ADAMTS20: variants seen among roughly 807,000 people sequenced by gnomAD.
ADAMTS20 encodes the protein A disintegrin and metalloproteinase with thrombospondin motifs 20.
In ADAMTS20, 225 loss-of-function variants were observed where a neutral mutation model predicts 260.1. The observed-to-expected ratio is 0.87, with a 90% CI of 0.78 to 0.97. The LOEUF is 0.97. ADAMTS20 is among the 50% of genes least tolerant of loss of function. The pLI, the probability that ADAMTS20 is intolerant of heterozygous loss-of-function variation, is 0.00. For missense variants in ADAMTS20, 2,400 were observed against 2,337.7 expected, an observed-to-expected ratio of 1.03 and a Z score of -0.55; for synonymous variants, 802 against 769.5, an observed-to-expected ratio of 1.04 and a Z score of -0.70.
intron 3 of ADAMTS20, among the ~76,000 whole-genome samples, chr12:43,524,923 G>A (rs796595009): frequency 6.6e-6 from 1 of 152,144 alleles, no homozygotes; most frequent in South Asian, 2.1e-4. Context: ...GTTTATGAGT[G>A]GGAAGAGAAA....
intron 28 of ADAMTS20, among the ~76,000 whole-genome samples, chr12:43,399,924 C>T (rs547591164): frequency 3.9e-5 from 6 of 152,156 alleles, no homozygotes; most frequent in African/African-American, 1.4e-4. Flanking sequence ...AGCACTTGGG[C>T]TCTGGCATTG....
At chr12:43,369,749 T>C (rs73100545) in intron 36 of ADAMTS20, among the ~76,000 whole-genome samples, 6,862 of 152,168 alleles carry the variant, frequency 0.045, 171 homozygotes, top group East Asian at 0.1. Flanking sequence ...TAAACATAAA[T>C]GACAAAACAA....
chr12:43,387,507 G>A (rs943793645), intron 29 of ADAMTS20, among the ~76,000 whole-genome samples: 36 of 152,218 alleles, frequency 2.4e-4, no homozygotes, highest in African/African-American at 7.2e-4. Context: ...CCTTAGCAGA[G>A]CTCAAATGCT....
chr12:43,470,280 A>G (rs183186567), intron 7 of ADAMTS20, among the ~76,000 whole-genome samples: 3 of 152,204 alleles, frequency 2.0e-5, no homozygotes, highest in African/African-American at 7.2e-5. Context: ...CACAATTCCA[A>G]TATTTTCATT....
In ADAMTS20 at chr12:43,463,010, A is replaced by G; in HGVS notation, c.1510-11T>C. 6.3e-7 allele frequency: 1 copy of G among 1,584,938 alleles called. No individual in the cohort carries two copies. The highest frequency in any genetic ancestry group is 8.6e-7 in the Non-Finnish European group (1 of 1,163,394). On this transcript the variant is annotated splice_polypyrimidine_tract_variant and intron_variant, in intron 10 of 38. Transcript: ENST00000389420. ...ATGCATGCATATATTCTCCTGAGTA[A>G]CAAAAGGCAGGCAAGCCAGTGTAAA...
In ADAMTS20 at chr12:43,440,052, C is replaced by T. The variant is rs1941632959; in HGVS notation, c.2308G>A (p.Gly770Arg). Residue 770 changes from glycine to arginine, a missense_variant, in exon 17 of 39, where the codon GGG (glycine) becomes AGG (arginine). Coordinates refer to ENST00000389420, the MANE Select transcript of ADAMTS20 (RefSeq NM_025003.5). ...AAATTTCCATTGAAAAGAAAATTCC[C>T]TTCAGCGTCAGATAATGCTGTAAAA... ...DSYLALSDAE[G>R]NFLFNGNFLL... 1 of 1,556,540 alleles carries T rather than the reference C, an allele frequency of 6.4e-7. No individual in the cohort carries two copies. Among genetic ancestry groups the T allele is most frequent in the Non-Finnish European group, 8.7e-7 (1 of 1,149,870 alleles).
At chr12:43,451,848 A>T (rs966518340) in intron 14 of ADAMTS20, among the ~76,000 whole-genome samples, 3 of 152,150 alleles carry the variant, frequency 2.0e-5, no homozygotes, top group Non-Finnish European at 4.4e-5. Context: ...TTGAATGTAC[A>T]TAAAAAATAA....
chr12:43,460,988 A>ATATTTTTTT, intron 11 of ADAMTS20, among the ~76,000 whole-genome samples: 3 of 26,394 alleles, frequency 1.1e-4, no homozygotes, highest in African/African-American at 2.6e-4. Context: ...ATATATATAT[A>ATATTTTTTT]TTTTTTTTTT....
At chr12:43,354,397 T>A in intron 38 of ADAMTS20, 99 bp from the exon 39 acceptor site, 1 of 814,180 alleles carries the variant, frequency 1.2e-6, no homozygotes, top group Non-Finnish European at 2.0e-6. Context: ...ATGGCTAAAA[T>A]CATTAGCAGA....
At position 43,492,726 on chromosome 12, in the gene ADAMTS20, C is replaced by A. The variant is rs1942622382; in HGVS notation, c.952-97G>T. On this transcript the variant is annotated intron_variant, in intron 5 of 38. Transcript: ENST00000389420. ...TCTGCACAATTTATCAAATAGCATTCTCACAGGTGAATGAAGGAGTGACAG... is the reference window on the plus strand; with the variant it reads ...TCTGCACAATTTATCAAATAGCATTATCACAGGTGAATGAAGGAGTGACAG... 9 of 1,390,550 alleles carry A rather than the reference C, an allele frequency of 6.5e-6. No homozygotes were observed. The South Asian group carries it at 9.4e-5, about 15-fold the overall frequency. The allele number at this position is 1,390,550 out of a possible 1,614,324, so 86.1% of individuals were successfully genotyped here. A position where few individuals can be genotyped will look rare whatever the true frequency, so the allele number is the denominator to read the frequency against.
intron 11 of ADAMTS20, among the ~76,000 whole-genome samples, chr12:43,460,327 T>C (rs1942037113): frequency 2.0e-5 from 3 of 152,128 alleles, no homozygotes; most frequent in African/African-American, 4.8e-5. Context: ...CTAATAAGCA[T>C]ATGAAAAAAT....
chr12:43,433,690 A>G, intron 19 of ADAMTS20: 1 of 351,950 alleles, frequency 2.8e-6, no homozygotes. Context: ...GCACACACAC[A>G]CATGCACACA....
At chr12:43,435,658 C>CAAAAA (rs1941538760) in intron 18 of ADAMTS20, among the ~76,000 whole-genome samples, 3 of 105,434 alleles carry the variant, frequency 2.8e-5, no homozygotes, top group Non-Finnish European at 4.0e-5. Flanking sequence ...AAAAAAAAAA[C>CAAAAA]AAAAAAATAA....
At chr12:43,515,125 A>G (rs1213871368) in intron 3 of ADAMTS20, among the ~76,000 whole-genome samples, 1 of 152,198 alleles carries the variant, frequency 6.6e-6, no homozygotes, top group Non-Finnish European at 1.5e-5. Flanking sequence ...ATCAACCACA[A>G]TCTCTAACTA....
In ADAMTS20 at chr12:43,468,599, C is replaced by G; in HGVS notation, c.1223+1G>C. 2 of 1,578,470 alleles carry G rather than the reference C, an allele frequency of 1.3e-6. No homozygotes were observed. Among genetic ancestry groups the G allele is most frequent in the Non-Finnish European group, 8.7e-7 (1 of 1,153,624 alleles). On this transcript the variant is annotated splice_donor_variant, in intron 8 of 38. Transcript: ENST00000389420. LOFTEE classifies it high-confidence loss of function. ...TTAAGGAGGTGACAGAAGGTACTTA[C>G]GTGTGCCCAAGCTCATGGGCTATAG...
At chr12:43,463,855 C>T (rs917498525) in intron 10 of ADAMTS20, among the ~76,000 whole-genome samples, 7 of 151,984 alleles carry the variant, frequency 4.6e-5, no homozygotes, top group African/African-American at 9.7e-5. Flanking sequence ...GTCTACATTC[C>T]GGAATTGGTC....
intron 9 of ADAMTS20, among the ~76,000 whole-genome samples, chr12:43,465,007 A>T (rs1942129932): frequency 6.6e-6 from 1 of 152,152 alleles, no homozygotes; most frequent in Admixed American, 6.5e-5. Flanking sequence ...AGCAATAAAC[A>T]CAAATTCATC....
intron 4 of ADAMTS20, 101 bp from the exon 5 acceptor site, chr12:43,493,354 C>A (rs1231678175): frequency 1.1e-5 from 9 of 791,706 alleles, no homozygotes; most frequent in Non-Finnish European, 1.8e-5. Flanking sequence ...AATTGCACTG[C>A]ACGTAGGAAT....
rs746042370 is a variant in ADAMTS20, at chr12:43,425,584, G to A, written c.4214C>T (p.Pro1405Leu). 6 of 1,610,032 alleles carry A rather than the reference G, an allele frequency of 3.7e-6. No individual in the cohort carries two copies. The highest frequency in any genetic ancestry group is 5.1e-6 in the Non-Finnish European group (6 of 1,177,676). ...ATGCATATGACACTGTATTACGCTA[G>A]GTGGCTTGTTTACAATTTCACAGTT... ...DHNCEIVNKP[P>L]SVIQCHMHAC... is the part of the protein sequence containing the mutation. The change falls in exon 28 of 39, where the codon CCT becomes CTT. Residue 1405 changes from proline to leucine, a missense_variant. Coordinates refer to ENST00000389420, the MANE Select transcript of ADAMTS20 (RefSeq NM_025003.5).
Sources: allele counts gnomAD v4.1 joint callset (sites outside exome capture counted in the v4.1 genomes callset), GRCh38; gene constraint gnomAD v4.1.1; transcripts MANE v1.5; gene names NCBI Gene and HGNC (gene_info 2026-07-23, HGNC 2026-07-21).